The following HSD17B4 variants were observed in gnomAD, a reference collection of about 807,000 sequenced individuals.
HSD17B4 encodes peroxisomal multifunctional enzyme type 2.
In HSD17B4, 70 loss-of-function variants were observed where a neutral mutation model predicts 101.0. The observed-to-expected ratio is 0.69, with a 90% CI of 0.57 to 0.85. The LOEUF is 0.85. HSD17B4 is among the 40% of genes least tolerant of loss of function. The pLI is 0.00. For synonymous variants in HSD17B4, 347 were observed against 297.1 expected, an observed-to-expected ratio of 1.17 and a Z score of -1.73; for missense variants, 984 against 892.4, an observed-to-expected ratio of 1.10 and a Z score of -1.31.
chr5:119,494,826 A>G (rs1484837058), intron 11 of HSD17B4, among the ~76,000 whole-genome samples: 1 of 152,154 alleles, frequency 6.6e-6, no homozygotes, highest in African/African-American at 2.4e-5. Flanking sequence ...GAATTATTTA[A>G]TCTCCTGTTA....
chr5:119,502,117 A>T lies in HSD17B4; in HGVS notation c.1261+25A>T, dbSNP rs547608499. 6 of 1,387,170 alleles carry T rather than the reference A, an allele frequency of 4.3e-6. No individual in the cohort carries two copies. In the South Asian group the frequency reaches 6.9e-5, roughly 16 times the overall value. The allele number at this position is 1,387,170 out of a possible 1,614,324, so 85.9% of individuals were successfully genotyped here. A position where few individuals can be genotyped will look rare whatever the true frequency, so the allele number is the denominator to read the frequency against. ...GGTGAGTTATTGATATACTAATTCC[A>T]TAATACCATACTTTTATTTCCAGAT... is the stretch of plus-strand genomic sequence containing the variant. On this transcript the variant is annotated intron_variant, in intron 14 of 23. Coordinates refer to ENST00000510025, the MANE Select transcript of HSD17B4 (RefSeq NM_000414.4).
At chr5:119,476,338 G>C (rs1440310727) in intron 6 of HSD17B4, 1 of 156,330 alleles carries the variant, frequency 6.4e-6, no homozygotes, top group Non-Finnish European at 1.4e-5. Flanking sequence ...AAATAGGAAA[G>C]TTTTCCATTC....
chr5:119,523,785 G>A (rs1236603263), intron 17 of HSD17B4, among the ~76,000 whole-genome samples: 1 of 152,066 alleles, frequency 6.6e-6, no homozygotes, highest in Non-Finnish European at 1.5e-5. Context: ...TACCTTGTAA[G>A]CTTTATCCCA....
chr5:119,494,333 C>CTTTCT (rs1554064689), intron 11 of HSD17B4, among the ~76,000 whole-genome samples: 2 of 116,580 alleles, frequency 1.7e-5, no homozygotes, highest in African/African-American at 7.0e-5. Flanking sequence ...TCTTTTCTTT[C>CTTTCT]TTTCTTTCTT....
intron 17 of HSD17B4, 24 bp from the exon 18 acceptor site, chr5:119,525,192 G>T (rs552420880): frequency 1.3e-6 from 2 of 1,561,510 alleles, no homozygotes; most frequent in African/African-American, 2.7e-5. Context: ...CTGAGTTCTA[G>T]TTATGTTTAT....
chr5:119,485,215 G>A (rs1373588257), intron 8 of HSD17B4, among the ~76,000 whole-genome samples: 1 of 151,956 alleles, frequency 6.6e-6, no homozygotes, highest in Admixed American at 6.6e-5. Context: ...TTTTGCCATC[G>A]GTTCTAGACT....
chr5:119,496,166 C>G (rs1318118277), intron 11 of HSD17B4, among the ~76,000 whole-genome samples: 2 of 152,140 alleles, frequency 1.3e-5, no homozygotes, highest in African/African-American at 4.8e-5. Context: ...GAATGGAAAT[C>G]AGTTGAGAGG....
chr5:119,461,950 G>C (rs1370577450), intron 2 of HSD17B4, among the ~76,000 whole-genome samples: 1 of 152,054 alleles, frequency 6.6e-6, no homozygotes, highest in Non-Finnish European at 1.5e-5. Flanking sequence ...ACAAAATTTT[G>C]GGAATGCTTT....
rs573081349 is a variant in HSD17B4, at chr5:119,473,029, A to G, written c.113-879A>G. Among the ~76,000 whole-genome samples the G allele has an allele frequency of 4.3e-4, 66 of 152,126 alleles. 1 individual carries two copies. The highest frequency in any genetic ancestry group is 1.3e-3 in the African/African-American group (54 of 41,502). ...ATTTTCTTTATTCATTCACCTATCC[A>G]TGGACATTTAGGTTGTTTCCACATC... On this transcript the variant is annotated intron_variant, in intron 2 of 23. Coordinates refer to ENST00000510025, the MANE Select transcript of HSD17B4 (RefSeq NM_000414.4).
At chr5:119,520,525 A>G (rs1753023038) in intron 17 of HSD17B4, among the ~76,000 whole-genome samples, 1 of 152,226 alleles carries the variant, frequency 6.6e-6, no homozygotes, top group Non-Finnish European at 1.5e-5. Context: ...CATTGAGACC[A>G]CTTTGCTATA....
Position 119,541,988 on chromosome 5 carries a change from G to A in HSD17B4, c.2205G>A (p.Lys735=). ...AGATGATTCTTAAAGACTACGCCAA[G>A]CTCTGAAGGGCACACTACACTATTA... is the stretch of plus-strand genomic sequence containing the variant. ...KLQMILKDYA[K]L The change falls in exon 24 of 24, where the codon AAG becomes AAA. Residue 735 remains lysine, a synonymous_variant. Coordinates refer to ENST00000510025, the MANE Select transcript of HSD17B4 (RefSeq NM_000414.4). 1 of 1,599,138 alleles carries A rather than the reference G, an allele frequency of 6.3e-7. No homozygotes were observed. The highest frequency in any genetic ancestry group is 8.6e-7 in the Non-Finnish European group (1 of 1,166,968).
Position 119,531,166 on chromosome 5 carries a change from G to C in HSD17B4, c.1855-100G>C, listed in dbSNP as rs1192089973. On this transcript the variant is annotated intron_variant, in intron 21 of 23. Coordinates refer to ENST00000510025, the MANE Select transcript of HSD17B4 (RefSeq NM_000414.4). Reference sequence around the variant, plus strand: ...TATGAAGAAAACTGACTTATGTACAGAGTTTTAAAAAATCTTTTTTTTGCA... The same window carrying C: ...TATGAAGAAAACTGACTTATGTACACAGTTTTAAAAAATCTTTTTTTTGCA... 19 of 1,185,532 alleles carry C rather than the reference G, an allele frequency of 1.6e-5. 1 individual carries two copies. Among genetic ancestry groups the C allele is most frequent in the East Asian group, 4.8e-5 (2 of 41,554 alleles). 73.4% of individuals were successfully genotyped at this position (1,185,532 alleles called of 1,614,324 possible).
rs1015383148 is a variant in HSD17B4 at position 119,524,048 on chromosome 5, T to C, written c.1504-1168T>C. On this transcript the variant is annotated intron_variant, in intron 17 of 23. Transcript: ENST00000510025. The stretch of plus-strand genomic sequence containing the variant: ...ATATATTTGCTAACATTTTATTATA[T>C]AAAGTGCTTTTAAAAAATTATCATT... Among the ~76,000 whole-genome samples, 13 of 152,238 alleles carry C rather than the reference T, an allele frequency of 8.5e-5. No individual in the cohort carries two copies. The South Asian group carries it at 1.9e-3, about 22-fold the overall frequency.
chr5:119,513,054 T>A (rs989151618), intron 16 of HSD17B4, among the ~76,000 whole-genome samples: 2 of 152,170 alleles, frequency 1.3e-5, no homozygotes, highest in African/African-American at 4.8e-5. Flanking sequence ...GGGCCCGCAT[T>A]TAAAAAAAAG....
chr5:119,490,336 C>T (rs1381246059), intron 9 of HSD17B4, among the ~76,000 whole-genome samples: 1 of 152,070 alleles, frequency 6.6e-6, no homozygotes, highest in African/African-American at 2.4e-5. Context: ...TTTGCCTGCT[C>T]TACTTTTACC....
intron 23 of HSD17B4, among the ~76,000 whole-genome samples, chr5:119,537,667 T>G (rs929524803): frequency 1.3e-5 from 2 of 152,152 alleles, no homozygotes; most frequent in African/African-American, 4.8e-5. Flanking sequence ...TGTAAAGGGT[T>G]ACACAGTAAA....
chr5:119,505,100 T>C (rs1327404915), intron 14 of HSD17B4, among the ~76,000 whole-genome samples: 7 of 152,196 alleles, frequency 4.6e-5, no homozygotes, highest in Non-Finnish European at 7.4e-5. Flanking sequence ...TTCTTTTCCA[T>C]TGGTCTTTTC....
At chr5:119,470,067 T>G (rs1464869339) in intron 2 of HSD17B4, among the ~76,000 whole-genome samples, 1 of 152,208 alleles carries the variant, frequency 6.6e-6, no homozygotes, top group Non-Finnish European at 1.5e-5. Flanking sequence ...ATGGTTGCTC[T>G]ACTGCTAGAT....
At chr5:119,488,941 C>T (rs1265740813) in intron 8 of HSD17B4, among the ~76,000 whole-genome samples, 1 of 152,106 alleles carries the variant, frequency 6.6e-6, no homozygotes, top group African/African-American at 2.4e-5. Context: ...TTCTTCTGAA[C>T]AGTATTAATA....
Sources: allele counts gnomAD v4.1 joint callset (sites outside exome capture counted in the v4.1 genomes callset), GRCh38; gene constraint gnomAD v4.1.1; transcripts MANE v1.5; gene names NCBI Gene and HGNC (gene_info 2026-07-23, HGNC 2026-07-21).